The following WDR97 variants were observed in gnomAD, a reference collection of about 807,000 sequenced individuals.
WDR97 encodes WD repeat domain 97.
Under a neutral mutation model 65.4 loss-of-function variants are expected in WDR97, and 111 were observed. The observed-to-expected ratio is 1.70, with a 90% CI of 1.45 to 1.99. The LOEUF (loss-of-function observed/expected upper bound fraction) is 1.99. WDR97 is among the 30% of genes most tolerant of loss of function. The pLI, the probability that WDR97 is intolerant of heterozygous loss-of-function variation, is 0.00. For missense variants in WDR97, 1,674 were observed against 865.0 expected (o/e 1.94, Z -11.73); for synonymous variants, 802 against 397.7 (o/e 2.02, Z -12.10).
In WDR97 at chr8:144,113,537, C is replaced by T. The variant is rs759560925; in HGVS notation, c.3183+20C>T. 4.8e-5 allele frequency: 33 copies of T among 689,598 alleles called. No homozygotes were observed. Among genetic ancestry groups the T allele is most frequent in the Non-Finnish European group, 7.2e-5 (27 of 374,800 alleles). 42.7% of individuals were successfully genotyped at this position (689,598 alleles called of 1,614,324 possible). A position where few individuals can be genotyped will look rare whatever the true frequency, so the allele number is the denominator to read the frequency against. On this transcript the variant is annotated intron_variant, in intron 16 of 23. Transcript: ENST00000323662. Reference sequence around the variant, plus strand: ...GCGGAGGTCAGCAGCCTCGGATCCCCGACTCAGCTCGCCTCCCAGAGAAAG... The same window carrying T: ...GCGGAGGTCAGCAGCCTCGGATCCCTGACTCAGCTCGCCTCCCAGAGAAAG...
Position 144,114,810 on chromosome 8 carries a change from A to G in WDR97, c.3976A>G (p.Lys1326Glu), listed in dbSNP as rs1836618461. 1.4e-6 allele frequency: 1 copy of G among 702,604 alleles called. No individual in the cohort carries two copies. The highest frequency in any genetic ancestry group is 2.6e-6 in the Non-Finnish European group (1 of 384,914). 43.5% of individuals were successfully genotyped at this position (702,604 alleles called of 1,614,324 possible). A position where few individuals can be genotyped will look rare whatever the true frequency, so the allele number is the denominator to read the frequency against. Reference protein sequence around the residue: ...GLQDPEGFLFKEMMTWVQGPD... With the variant: ...GLQDPEGFLFEEMMTWVQGPD... ...TCAGGACCCAGAGGGCTTCCTATTC[A>G]AGGAGATGATGACCTGGGTCCAGGG... is the stretch of plus-strand genomic sequence containing the variant. Residue 1326 changes from lysine (K) to glutamate (E), a missense_variant, in exon 21 of 24, where the codon AAG becomes GAG. Transcript: ENST00000323662.
rs1276640995 is a variant in WDR97, at chr8:144,108,306, C to T, written c.250-10C>T. On this transcript the variant is annotated splice_polypyrimidine_tract_variant and intron_variant, in intron 2 of 23. Transcript: ENST00000323662. ...CCTTTGATTGCGGGCCCGCCCACCC[C>T]GGCCCACAGGAGAAGAGAGCCGAGC... 3 of 692,592 alleles carry T rather than the reference C, an allele frequency of 4.3e-6. No individual in the cohort carries two copies. The highest frequency in any genetic ancestry group is 3.0e-5 in the South Asian group (2 of 66,474). The allele number at this position is 692,592 out of a possible 1,614,324, so 42.9% of individuals were successfully genotyped here.
rs769300892 is a variant in WDR97, at chr8:144,114,437, G to A, written c.3754G>A (p.Val1252Ile). ...CCAAGGCCAGCTGCAGGGCCTGCTC[G>A]TACACTTGCTCAACCTGGACCAGCC... ...DLQGQLQGLLVHLLNLDQPPS... is the reference protein window; with the variant it reads ...DLQGQLQGLLIHLLNLDQPPS... Residue 1252 changes from valine to isoleucine, a missense_variant, in exon 19 of 24, where the codon GTA becomes ATA. Physicochemically the swap from Val to Ile is conservative, Grantham distance 29. Transcript: ENST00000323662. The A allele has an allele frequency of 4.0e-5, 28 of 702,786 alleles. No individual in the cohort carries two copies. The East Asian group carries it at 4.0e-4, about 10-fold the overall frequency. 43.5% of individuals were successfully genotyped at this position (702,786 alleles called of 1,614,324 possible).
Position 144,111,894 on chromosome 8 carries a change from AG to A in WDR97, c.2646del (p.Gln882HisfsTer91). The A allele has an allele frequency of 1.4e-6, 1 of 698,736 alleles. No individual in the cohort carries two copies. Among genetic ancestry groups the A allele is most frequent in the Non-Finnish European group, 2.6e-6 (1 of 383,720 alleles). The allele number at this position is 698,736 out of a possible 1,614,324, so 43.3% of individuals were successfully genotyped here. A position where few individuals can be genotyped will look rare whatever the true frequency, so the allele number is the denominator to read the frequency against. ...LIYGSGLLGM[Q>X]SGRGSQQWSA... ...GCTCCTGCTACCTCCCAGGGCATGC[AG>A]TCTGGAAGGGGGTCCCAGCAGTGGA... On this transcript the variant is annotated frameshift_variant, in exon 13 of 24. Coordinates refer to ENST00000323662, the MANE Select transcript of WDR97 (RefSeq NM_001316309.2). LOFTEE classifies it high-confidence loss of function.
At position 144,109,752 on chromosome 8, in the gene WDR97, C is replaced by T. The variant is rs1315053620; in HGVS notation, c.1418C>T (p.Pro473Leu). Residue 473 changes from proline to leucine, a missense_variant, in exon 5 of 24, where the codon CCG (proline) becomes CTG (leucine). Coordinates refer to ENST00000323662, the MANE Select transcript of WDR97 (RefSeq NM_001316309.2). ...GRIVSSLLLE[P>L]EDCAAAVAYC... Reference sequence around the variant, plus strand: ...ATAGTGAGCTCACTGCTGCTGGAGCCGGAGGACTGCGCGGCAGCCGTGGCC... The same window carrying T: ...ATAGTGAGCTCACTGCTGCTGGAGCTGGAGGACTGCGCGGCAGCCGTGGCC... The T allele has an allele frequency of 2.9e-6, 2 of 680,050 alleles. No individual in the cohort carries two copies. The highest frequency in any genetic ancestry group is 2.7e-6 in the Non-Finnish European group (1 of 376,058). The allele number at this position is 680,050 out of a possible 1,614,324, so 42.1% of individuals were successfully genotyped here.
rs924926819 is a variant in WDR97 at position 144,113,180 on chromosome 8, C to T, written c.3106-260C>T. On this transcript the variant is annotated intron_variant, in intron 15 of 23. Transcript: ENST00000323662. ...AGGAGCTTGCAGGGTGTCAGGGCCC[C>T]TAGAAGCCAGCACTTCTCCAGGTTT... 50 of 556,432 alleles carry T rather than the reference C, an allele frequency of 9.0e-5. 1 individual carries two copies. In the South Asian group the frequency reaches 1.2e-3, roughly 14 times the overall value. The allele number at this position is 556,432 out of a possible 1,614,324, so 34.5% of individuals were successfully genotyped here. A position where few individuals can be genotyped will look rare whatever the true frequency, so the allele number is the denominator to read the frequency against.
In WDR97 at chr8:144,110,710, C is replaced by A; in HGVS notation, c.2142C>A (p.Arg714=). Residue 714 remains arginine (R), a synonymous_variant, in exon 8 of 24, where the codon CGC becomes CGA. Transcript: ENST00000323662. ...YACSSLDCTV[R]IWTAENRLLR... is the part of the protein sequence containing the mutation. ...GCTCCAGCCTGGACTGCACCGTTCG[C>A]ATCTGGACTGCTGAGAACCGCCTCC... is the stretch of plus-strand genomic sequence containing the variant. 1 of 702,812 alleles carries A rather than the reference C, an allele frequency of 1.4e-6. No individual in the cohort carries two copies. Among genetic ancestry groups the A allele is most frequent in the African/African-American group, 1.7e-5 (1 of 57,394 alleles). The allele number at this position is 702,812 out of a possible 1,614,324, so 43.5% of individuals were successfully genotyped here.
chr8:144,115,364 G>A lies in WDR97; in HGVS notation c.4101G>A (p.Val1367=). 1 of 608,728 alleles carries A rather than the reference G, an allele frequency of 1.6e-6. No homozygotes were observed. Among genetic ancestry groups the A allele is most frequent in the East Asian group, 2.8e-5 (1 of 36,072 alleles). The allele number at this position is 608,728 out of a possible 1,614,324, so 37.7% of individuals were successfully genotyped here. The change falls in exon 22 of 24, where the codon GTG becomes GTA. Residue 1367 remains valine, a synonymous_variant. Coordinates refer to ENST00000323662, the MANE Select transcript of WDR97 (RefSeq NM_001316309.2). The stretch of plus-strand genomic sequence containing the variant: ...AGGAGACCCCATCGCAGACGTCAGT[G>A]GTCTCTGGGGCACCCACACGCGCCT... The part of the protein sequence containing the change: ...ELQETPSQTS[V]VSGAPTRASV...
Position 144,109,964 on chromosome 8 carries a change from G to C in WDR97, c.1630G>C (p.Glu544Gln), listed in dbSNP as rs1174605782. ...TCTCGAAGGCGCCTTCTCCTCCTGG[G>C]AGATCGTGCGCCAGCACTGGGGCGA... ...TDLEGAFSSW[E>Q]IVRQHWGELR... is the part of the protein sequence containing the mutation. Residue 544 changes from glutamate to glutamine, a missense_variant, in exon 5 of 24, where the codon GAG becomes CAG. Physicochemically the swap from Glu to Gln is conservative, Grantham distance 29 (BLOSUM62 2). Transcript: ENST00000323662. 1.4e-6 allele frequency: 1 copy of C among 701,524 alleles called. No individual in the cohort carries two copies. The highest frequency in any genetic ancestry group is 2.7e-5 in the East Asian group (1 of 37,260). 43.5% of individuals were successfully genotyped at this position (701,524 alleles called of 1,614,324 possible).
At position 144,115,550 on chromosome 8, in the gene WDR97, G is replaced by A. The variant is rs1482229000; in HGVS notation, c.4287G>A (p.Gly1429=). ...TGCTGGCACCCAAGCGCAGCTGGGG[G>A]ACCCCTCAGCTCCGTCTCAGAGTGC... The part of the protein sequence containing the change: ...QRMLAPKRSW[G]TPQLRLRVLS... Residue 1429 remains glycine, a synonymous_variant, in exon 22 of 24, where the codon GGG becomes GGA. Coordinates refer to ENST00000323662, the MANE Select transcript of WDR97 (RefSeq NM_001316309.2). 1.4e-6 allele frequency: 1 copy of A among 697,112 alleles called. No individual in the cohort carries two copies. 43.2% of individuals were successfully genotyped at this position (697,112 alleles called of 1,614,324 possible).
Position 144,111,009 on chromosome 8 carries a change from GAC to G in WDR97, c.2304+15_2304+16del. 1 of 702,684 alleles carries G rather than the reference GAC, an allele frequency of 1.4e-6. No homozygotes were observed. The highest frequency in any genetic ancestry group is 1.5e-5 in the South Asian group (1 of 67,600). The allele number at this position is 702,684 out of a possible 1,614,324, so 43.5% of individuals were successfully genotyped here. A position where few individuals can be genotyped will look rare whatever the true frequency, so the allele number is the denominator to read the frequency against. ...CTACCTAGTTAAGGTGTGTGGTGAG[GAC>G]AGAGTGAGCAAGGTGGGCCCCCCTT... On this transcript the variant is annotated intron_variant, in intron 9 of 23. Coordinates refer to ENST00000323662, the MANE Select transcript of WDR97 (RefSeq NM_001316309.2).
At position 144,113,820 on chromosome 8, in the gene WDR97, C is replaced by T; in HGVS notation, c.3347C>T (p.Ala1116Val). The T allele has an allele frequency of 1.4e-6, 1 of 701,974 alleles. No individual in the cohort carries two copies. Among genetic ancestry groups the T allele is most frequent in the Non-Finnish European group, 2.6e-6 (1 of 384,498 alleles). The allele number at this position is 701,974 out of a possible 1,614,324, so 43.5% of individuals were successfully genotyped here. A position where few individuals can be genotyped will look rare whatever the true frequency, so the allele number is the denominator to read the frequency against. Residue 1116 changes from alanine (A) to valine (V), a missense_variant, in exon 17 of 24, where the codon GCC (alanine) becomes GTC (valine). Ala to Val is a moderately conservative substitution (Grantham distance 64). Transcript: ENST00000323662. Reference protein sequence around the residue: ...EEKEDEELDWALASLSPHSNQ... With the variant: ...EEKEDEELDWVLASLSPHSNQ... ...AAGGAAGACGAGGAGCTGGACTGGG[C>T]CTTGGCTTCCCTGAGCCCGCACTCC...
rs1488419779 is a variant in WDR97 at position 144,117,054 on chromosome 8, A to T, written c.*761A>T. 2 of 152,244 alleles carry T rather than the reference A, an allele frequency of 1.3e-5. No homozygotes were observed. The highest frequency in any genetic ancestry group is 4.8e-5 in the African/African-American group (2 of 41,410). The allele number at this position is 152,244 out of a possible 1,614,324, so 9.4% of individuals were successfully genotyped here. A position where few individuals can be genotyped will look rare whatever the true frequency, so the allele number is the denominator to read the frequency against. On this transcript the variant is annotated 3_prime_UTR_variant, in exon 24 of 24. Transcript: ENST00000323662. ...TGTATCTGTAGCCTCTGACTTTACT[A>T]GTTTCTTCTTGATGGCTCTGGTTAG... is the stretch of plus-strand genomic sequence containing the variant.
At position 144,117,086 on chromosome 8, in the gene WDR97, T is replaced by G. The variant is rs958239288; in HGVS notation, c.*793T>G. 3 of 152,322 alleles carry G rather than the reference T, an allele frequency of 2.0e-5. No individual in the cohort carries two copies. Among genetic ancestry groups the G allele is most frequent in the Non-Finnish European group, 4.4e-5 (3 of 68,086 alleles). 9.4% of individuals were successfully genotyped at this position (152,322 alleles called of 1,614,324 possible). ...TCTTGATGGCTCTGGTTAGAATCGC[T>G]TCTCCACACCTTCCCTGTCACCCCA... On this transcript the variant is annotated 3_prime_UTR_variant, in exon 24 of 24. Transcript: ENST00000323662.
At position 144,109,702 on chromosome 8, in the gene WDR97, C is replaced by T; in HGVS notation, c.1368C>T (p.Tyr456=). 5.9e-6 allele frequency: 4 copies of T among 678,532 alleles called. No individual in the cohort carries two copies. The highest frequency in any genetic ancestry group is 1.1e-5 in the Non-Finnish European group (4 of 375,124). The allele number at this position is 678,532 out of a possible 1,614,324, so 42.0% of individuals were successfully genotyped here. A position where few individuals can be genotyped will look rare whatever the true frequency, so the allele number is the denominator to read the frequency against. ...LVCACADGSV[Y]LLSAATGRIV... Reference sequence around the variant, plus strand: ...GCGCGTGCGCCGACGGCTCGGTCTACCTCCTGTCGGCGGCCACCGGGCGCA... The same window carrying T: ...GCGCGTGCGCCGACGGCTCGGTCTATCTCCTGTCGGCGGCCACCGGGCGCA... Residue 456 remains tyrosine, a synonymous_variant, in exon 5 of 24, where the codon TAC becomes TAT. Transcript: ENST00000323662.
rs549411870 is a variant in WDR97, at chr8:144,117,570, G to C, written c.*1277G>C. 1 of 151,788 alleles carries C rather than the reference G, an allele frequency of 6.6e-6. No individual in the cohort carries two copies. The highest frequency in any genetic ancestry group is 2.4e-5 in the African/African-American group (1 of 41,126). The allele number at this position is 151,788 out of a possible 1,614,324, so 9.4% of individuals were successfully genotyped here. ...CCCCACATGACTTACAATCAGACAA[G>C]GTAGGTCAGAGGATTTCTTTATGGC... On this transcript the variant is annotated 3_prime_UTR_variant, in exon 24 of 24. Transcript: ENST00000323662.
rs1408588579 is a variant in WDR97, at chr8:144,113,870, C to A, written c.3397C>A (p.Leu1133Met). 1 of 694,158 alleles carries A rather than the reference C, an allele frequency of 1.4e-6. No individual in the cohort carries two copies. Among genetic ancestry groups the A allele is most frequent in the South Asian group, 1.5e-5 (1 of 66,352 alleles). The allele number at this position is 694,158 out of a possible 1,614,324, so 43.0% of individuals were successfully genotyped here. ...CAACCAGCAGCTGGATTCCTGGGAACTGGAGGATCAGGTAGAGGCTCAGGC... is the reference window on the plus strand; with the variant it reads ...CAACCAGCAGCTGGATTCCTGGGAAATGGAGGATCAGGTAGAGGCTCAGGC... ...HSNQQLDSWE[L>M]EDQSAVDWTQ... The change falls in exon 17 of 24, where the codon CTG becomes ATG. Residue 1133 changes from leucine to methionine, a missense_variant. Leu to Met is a conservative substitution (Grantham distance 15, BLOSUM62 2). Coordinates refer to ENST00000323662, the MANE Select transcript of WDR97 (RefSeq NM_001316309.2).
rs1413890972 is a variant in WDR97 at position 144,114,829 on chromosome 8, T to C, written c.3995T>C (p.Val1332Ala). 1 of 702,694 alleles carries C rather than the reference T, an allele frequency of 1.4e-6. No homozygotes were observed. Among genetic ancestry groups the C allele is most frequent in the South Asian group, 1.5e-5 (1 of 67,594 alleles). 43.5% of individuals were successfully genotyped at this position (702,694 alleles called of 1,614,324 possible). ...GFLFKEMMTW[V>A]QGPDLDSKAG... is the part of the protein sequence containing the mutation. The stretch of plus-strand genomic sequence containing the variant: ...CTATTCAAGGAGATGATGACCTGGG[T>C]CCAGGGCCCAGACCTGGACTCCAAG... The change falls in exon 21 of 24, where the codon GTC becomes GCC. Residue 1332 changes from valine (V) to alanine (A), a missense_variant. By Grantham distance (64) the Val-to-Ala change is moderately conservative. Transcript: ENST00000323662.
rs756057223 is a variant in WDR97, at chr8:144,108,391, G to A, written c.325G>A (p.Gly109Arg). Residue 109 changes from glycine to arginine, a missense_variant, in exon 3 of 24, where the codon GGG (glycine) becomes AGG (arginine). Transcript: ENST00000323662. ...ACTGCGCCGCCTGGAGGTGGCAGCC[G>A]GGCTGCGCTCGGTGGCGCAGGACCC... ...EPLRRLEVAA[G>R]LRSVAQDPVG... 3 of 697,674 alleles carry A rather than the reference G, an allele frequency of 4.3e-6. No individual in the cohort carries two copies. The highest frequency in any genetic ancestry group is 5.2e-6 in the Non-Finnish European group (2 of 383,102). The allele number at this position is 697,674 out of a possible 1,614,324, so 43.2% of individuals were successfully genotyped here. A position where few individuals can be genotyped will look rare whatever the true frequency, so the allele number is the denominator to read the frequency against.
Sources: allele counts gnomAD v4.1 joint callset, GRCh38; gene constraint gnomAD v4.1.1; transcripts MANE v1.5; gene names NCBI Gene and HGNC (gene_info 2026-07-23, HGNC 2026-07-21).